Variants in KLF8 observed in about 807,000 individuals in gnomAD.
KLF8 encodes Krueppel-like factor 8.
In KLF8, 10 loss-of-function variants were observed where a neutral mutation model predicts 18.2. That is an observed-to-expected ratio of 0.55 (90% CI 0.34 to 0.93). The LOEUF (loss-of-function observed/expected upper bound fraction) is 0.93, where lower values mean the gene tolerates loss of function less well. Ranked by LOEUF, KLF8 falls within the 40% of genes least tolerant of loss-of-function variation. KLF8 has a pLI of 0.02. For missense variants in KLF8, 264 were observed against 277.9 expected, an observed-to-expected ratio of 0.95 and a Z score of 0.36; for synonymous variants, 109 against 97.3, an observed-to-expected ratio of 1.12 and a Z score of -0.71.
the KLF8 span, among the ~76,000 whole-genome samples, chrX:55,937,686 G>C: frequency 8.9e-6 from 1 of 112,373 alleles, no homozygotes; most frequent in Admixed American, 9.4e-5. Flanking sequence ...TAAAGGACCT[G>C]GTGGAACTGA....
At chrX:55,951,398 C>T in the KLF8 span, among the ~76,000 whole-genome samples, 1 of 106,962 alleles carries the variant, frequency 9.3e-6, no homozygotes, top group Non-Finnish European at 1.9e-5. Context: ...ATCGCTTCAA[C>T]CCGGGAGGTG....
the KLF8 span, among the ~76,000 whole-genome samples, chrX:55,955,594 G>T: frequency 9.0e-6 from 1 of 111,633 alleles, no homozygotes; most frequent in Non-Finnish European, 1.9e-5. Flanking sequence ...AATGTTTTAT[G>T]GGAGTAATAA....
the KLF8 span, among the ~76,000 whole-genome samples, chrX:56,064,110 C>A: frequency 1.1e-5 from 1 of 94,719 alleles, no homozygotes; most frequent in Non-Finnish European, 2.0e-5. Context: ...TACATATATA[C>A]GTATGTGTGT....
chrX:56,081,320 T>G, the KLF8 span, among the ~76,000 whole-genome samples: 1 of 111,977 alleles, frequency 8.9e-6, no homozygotes. Flanking sequence ...ACAGATGGGT[T>G]TTTGGTGTGG....
the KLF8 span, among the ~76,000 whole-genome samples, chrX:56,126,066 A>G: frequency 2.7e-5 from 3 of 111,621 alleles, no homozygotes; most frequent in Non-Finnish European, 5.6e-5. Flanking sequence ...GCTTGTAGGA[A>G]AGACATGAGA....
the KLF8 span, among the ~76,000 whole-genome samples, chrX:56,001,339 C>T: frequency 4.5e-5 from 5 of 112,185 alleles, no homozygotes; most frequent in South Asian, 1.9e-3. Context: ...AAGAGAATAT[C>T]TGCATCTGCA....
the KLF8 span, among the ~76,000 whole-genome samples, chrX:56,165,940 C>T: frequency 9.0e-6 from 1 of 110,664 alleles, no homozygotes; most frequent in Non-Finnish European, 1.9e-5. Flanking sequence ...ACTTCTGCCA[C>T]ATAGAGGCAG....
At chrX:55,952,406 C>T in the KLF8 span, among the ~76,000 whole-genome samples, 7 of 112,304 alleles carry the variant, frequency 6.2e-5, no homozygotes, top group Non-Finnish European at 1.3e-4. Context: ...AAGGTCAGAA[C>T]GCCTAAAATC....
At chrX:56,139,543 G>A in the KLF8 span, among the ~76,000 whole-genome samples, 1 of 111,803 alleles carries the variant, frequency 8.9e-6, no homozygotes, top group African/African-American at 3.2e-5. Flanking sequence ...AGTAAAACAA[G>A]CAATGGGTAA....
At chrX:56,000,804 T>G in the KLF8 span, among the ~76,000 whole-genome samples, 2 of 111,983 alleles carry the variant, frequency 1.8e-5, no homozygotes, top group Non-Finnish European at 3.8e-5. Context: ...CATTTTACTT[T>G]TTTTTTGTAT....
the KLF8 span, among the ~76,000 whole-genome samples, chrX:55,927,808 A>G: frequency 1.8e-5 from 2 of 110,623 alleles, no homozygotes; most frequent in South Asian, 3.8e-4. Context: ...CTATTTGTTG[A>G]TTATGTGTGT....
chrX:56,182,419 G>T, the KLF8 span, among the ~76,000 whole-genome samples: 1 of 111,867 alleles, frequency 8.9e-6, no homozygotes, highest in Non-Finnish European at 1.9e-5. Flanking sequence ...TCCTCCTTTA[G>T]CTCAGAGGAG....
chrX:55,910,643 C>A, the KLF8 span, among the ~76,000 whole-genome samples: 1 of 111,714 alleles, frequency 9.0e-6, no homozygotes, highest in African/African-American at 3.3e-5. Flanking sequence ...AAGACTTTGA[C>A]TTTTATTCTG....
At chrX:56,080,644 G>A in the KLF8 span, among the ~76,000 whole-genome samples, 2 of 110,727 alleles carry the variant, frequency 1.8e-5, no homozygotes, top group Admixed American at 1.9e-4. Flanking sequence ...TGCTGTTCTC[G>A]AGGAGTATCT....
chrX:56,195,956 C>A, the KLF8 span, among the ~76,000 whole-genome samples: 1 of 111,514 alleles, frequency 9.0e-6, no homozygotes, highest in Non-Finnish European at 1.9e-5. Flanking sequence ...TAATTTTCAA[C>A]CCAGAATTAC....
At chrX:56,242,946 C>A in intron 1 of KLF8, 1 of 459,841 alleles carries the variant, frequency 2.2e-6, no homozygotes, top group Admixed American at 2.4e-5. Context: ...TTTAGATGAT[C>A]CCAATTTTGT....
At chrX:55,958,742 A>C in the KLF8 span, among the ~76,000 whole-genome samples, 1 of 112,499 alleles carries the variant, frequency 8.9e-6, no homozygotes. Flanking sequence ...GAGAGGATTT[A>C]AGCACTGATT....
chrX:55,956,129 T>C, the KLF8 span, among the ~76,000 whole-genome samples: 16 of 95,498 alleles, frequency 1.7e-4, no homozygotes, highest in Non-Finnish European at 2.2e-4. Context: ...ATCTATCTAT[T>C]TATCTATCTA....
the KLF8 span, among the ~76,000 whole-genome samples, chrX:56,142,705 C>G: frequency 3.6e-5 from 4 of 111,879 alleles, no homozygotes; most frequent in South Asian, 3.7e-4. Flanking sequence ...TATCACCAAA[C>G]CTACTTAACC....
Sources: gnomAD v4.1 joint callset for allele counts (sites outside exome capture counted in the v4.1 genomes callset) on GRCh38, gnomAD v4.1.1 for gene constraint, MANE v1.5 for transcripts, NCBI Gene and HGNC (gene_info 2026-07-23, HGNC 2026-07-21) for gene names.